FAM149A: variants seen among roughly 807,000 people sequenced by gnomAD.
FAM149A encodes family with sequence similarity 149 member A.
A neutral mutation model predicts 78.2 loss-of-function variants in FAM149A; 71 were observed. The observed-to-expected ratio is 0.91, with a 90% confidence interval of 0.75 to 1.11. FAM149A has a LOEUF of 1.11. FAM149A is among the 50% of genes least tolerant of loss of function. The pLI is 0.00. For missense variants in FAM149A, 1,036 were observed against 971.0 expected, an observed-to-expected ratio of 1.07 and a Z score of -0.89; for synonymous variants, 446 against 410.5, an observed-to-expected ratio of 1.09 and a Z score of -1.04.
rs148603314 is a variant in FAM149A at position 186,135,701 on chromosome 4, C to A, written c.567-13472C>A. 2.1e-4 allele frequency among the ~76,000 whole-genome samples: 32 copies of A among 152,284 alleles called. No homozygotes were observed. In the South Asian group the frequency reaches 6.0e-3, roughly 29 times the overall value. ...CTCAAGGCACACCACAGCCTTCTGGCGCTTAGGAACACTCGGCAGCTTTAG... is the reference window on the plus strand; with the variant it reads ...CTCAAGGCACACCACAGCCTTCTGGAGCTTAGGAACACTCGGCAGCTTTAG... On this transcript the variant is annotated intron_variant, in intron 1 of 13. Transcript: ENST00000389354.
At chr4:186,165,485 T>C in intron 11 of FAM149A, 21 bp downstream of exon 11, 1 of 1,613,554 alleles carries the variant, frequency 6.2e-7, no homozygotes. Flanking sequence ...TTTCATTCTA[T>C]TTCAGTGGAC....
Position 186,169,571 on chromosome 4 carries a change from C to T in FAM149A, c.2218+2309C>T, listed in dbSNP as rs116231054. On this transcript the variant is annotated intron_variant, in intron 13 of 13. Coordinates refer to ENST00000389354, the MANE Select transcript of FAM149A (RefSeq NM_001367768.3). ...CCACCACGCTGCTCACACAGGGAGT[C>T]GCCTCTCTGGCCACCAGCTCAGGCA... 1.2e-3 allele frequency: 1,171 copies of T among 985,392 alleles called. 11 individuals are homozygous for T. In the African/African-American group the frequency reaches 0.019, roughly 16 times the overall value. 61.0% of individuals were successfully genotyped at this position (985,392 alleles called of 1,614,324 possible). A position where few individuals can be genotyped will look rare whatever the true frequency, so the allele number is the denominator to read the frequency against.
intron 1 of FAM149A, among the ~76,000 whole-genome samples, chr4:186,138,249 G>A (rs1405896320): frequency 6.6e-6 from 1 of 151,846 alleles, no homozygotes; most frequent in African/African-American, 2.4e-5. Flanking sequence ...GAGTGAGTGT[G>A]TGTGTGTGTG....
chr4:186,109,387 G>T, intron 1 of FAM149A: 3 of 755,346 alleles, frequency 4.0e-6, no homozygotes, highest in Non-Finnish European at 4.8e-6. Flanking sequence ...TGCTTGAAGG[G>T]CCTGTCAGCA....
chr4:186,148,558 C>T (rs867401401), intron 1 of FAM149A, among the ~76,000 whole-genome samples: 2 of 152,152 alleles, frequency 1.3e-5, no homozygotes, highest in Admixed American at 6.5e-5. Flanking sequence ...AACTGTGCTA[C>T]ACCAGTTAGG....
chr4:186,140,283 A>C (rs2099325248), intron 1 of FAM149A, among the ~76,000 whole-genome samples: 1 of 152,108 alleles, frequency 6.6e-6, no homozygotes, highest in Non-Finnish European at 1.5e-5. Flanking sequence ...GTGATCACAT[A>C]ATCACATATA....
intron 1 of FAM149A, among the ~76,000 whole-genome samples, chr4:186,128,821 ATGTC>A (rs1312621677): frequency 6.6e-6 from 1 of 151,682 alleles, no homozygotes; most frequent in Admixed American, 6.6e-5. Flanking sequence ...GGATGGATGG[ATGTC>A]TGTGTGTATG....
chr4:186,132,013 T>A, intron 1 of FAM149A: 1 of 985,482 alleles, frequency 1.0e-6, no homozygotes, highest in Non-Finnish European at 1.2e-6. Context: ...TGTTCTAGCT[T>A]TCTTATTATC....
chr4:186,153,304 G>GCACAAAGAAGCC, intron 4 of FAM149A: 1 of 928,504 alleles, frequency 1.1e-6, no homozygotes, highest in Non-Finnish European at 1.3e-6. Context: ...TGTATGGAGG[G>GCACAAAGAAGCC]CTTCTTTGTG....
chr4:186,118,180 A>T (rs1190304662), intron 1 of FAM149A: 1 of 985,442 alleles, frequency 1.0e-6, no homozygotes, highest in East Asian at 1.1e-4. Context: ...CACAAACTAT[A>T]CAACAGATGA....
Position 186,104,773 on chromosome 4 carries a change from G to GGGGC in FAM149A, c.-297_-294dup, listed in dbSNP as rs1554066112. On this transcript the variant is annotated 5_prime_UTR_variant, in exon 1 of 14. Transcript: ENST00000389354. ...GGCGGGCGGCGGGCGGCGGGCGTCTGGGGCGGGCGGCGGCCGCGCTTCCCG... is the reference window on the plus strand; with the variant it reads ...GGCGGGCGGCGGGCGGCGGGCGTCTGGGGCGGGCGGGCGGCGGCCGCGCTTCCCG... Among the ~76,000 whole-genome samples, 838 of 149,668 alleles carry GGGGC rather than the reference G, an allele frequency of 5.6e-3. 12 individuals are homozygous for GGGGC. The highest frequency in any genetic ancestry group is 0.019 in the African/African-American group (775 of 40,232).
intron 1 of FAM149A, among the ~76,000 whole-genome samples, chr4:186,129,720 A>C (rs1467714236): frequency 6.6e-6 from 1 of 152,230 alleles, no homozygotes; most frequent in Non-Finnish European, 1.5e-5. Context: ...AAGCAAATAC[A>C]ATCCTCTTTG....
chr4:186,136,963 T>TG (rs1561396315), intron 1 of FAM149A, among the ~76,000 whole-genome samples: 1 of 103,368 alleles, frequency 9.7e-6, no homozygotes, highest in Middle Eastern at 5.1e-3. Context: ...TCTCTCTCTC[T>TG]TTCTCTCTCT....
intron 13 of FAM149A, among the ~76,000 whole-genome samples, chr4:186,167,845 C>T (rs949544398): frequency 1.3e-5 from 2 of 152,118 alleles, no homozygotes; most frequent in Non-Finnish European, 2.9e-5. Flanking sequence ...TTTCCACCCT[C>T]GCTCTGCCAC....
At position 186,134,019 on chromosome 4, in the gene FAM149A, A is replaced by AT. The variant is rs2099321828; in HGVS notation, c.567-15150dup. ...AGTGGGATTGCTGGATCCTATGGTAATTTTGTGTTTCACTTTTGAGGAATC... is the reference window on the plus strand; with the variant it reads ...AGTGGGATTGCTGGATCCTATGGTAATTTTTGTGTTTCACTTTTGAGGAATC... On this transcript the variant is annotated intron_variant, in intron 1 of 13. Transcript: ENST00000389354. Among the ~76,000 whole-genome samples, 5 of 152,292 alleles carry AT rather than the reference A, an allele frequency of 3.3e-5. No homozygotes were observed. In the South Asian group the frequency reaches 6.2e-4, roughly 19 times the overall value.
At chr4:186,168,437 C>T (rs1735238733) in intron 13 of FAM149A, among the ~76,000 whole-genome samples, 2 of 152,194 alleles carry the variant, frequency 1.3e-5, no homozygotes, top group Admixed American at 1.3e-4. Context: ...CTCACCGCAA[C>T]CTCCACCTCC....
At position 186,152,172 on chromosome 4, in the gene FAM149A, A is replaced by G. The variant is rs1579886615; in HGVS notation, c.932+127A>G. On this transcript the variant is annotated intron_variant, in intron 4 of 13. Transcript: ENST00000389354. ...CAGTCAGAATATGGATGCAGAGCGC[A>G]GTCCTTCACTGAGAGATCACTTTCC... 11 of 817,574 alleles carry G rather than the reference A, an allele frequency of 1.3e-5. No homozygotes were observed. In the East Asian group the frequency reaches 2.9e-4, roughly 22 times the overall value. 50.6% of individuals were successfully genotyped at this position (817,574 alleles called of 1,614,324 possible).
intron 1 of FAM149A, among the ~76,000 whole-genome samples, chr4:186,140,954 T>C (rs950059029): frequency 6.6e-6 from 1 of 152,222 alleles, no homozygotes; most frequent in South Asian, 2.1e-4. Context: ...TCAAGGTGAA[T>C]GGCCAAGTTG....
At position 186,167,090 on chromosome 4, in the gene FAM149A, G is replaced by T. The variant is rs145714089; in HGVS notation, c.2133G>T (p.Thr711=). The change falls in exon 12 of 14, where the codon ACG becomes ACT. Residue 711 remains threonine (T), a synonymous_variant. Coordinates refer to ENST00000389354, the MANE Select transcript of FAM149A (RefSeq NM_001367768.3). Reference sequence around the variant, plus strand: ...TGTCAAGGCCCAGCACAACCCACACGTTCCGGGTGGGTTCTCTGTTTCCTG... The same window carrying T: ...TGTCAAGGCCCAGCACAACCCACACTTTCCGGGTGGGTTCTCTGTTTCCTG... 6.2e-7 allele frequency: 1 copy of T among 1,612,542 alleles called. No homozygotes were observed. The highest frequency in any genetic ancestry group is 2.2e-5 in the East Asian group (1 of 44,822).
Sources: allele counts gnomAD v4.1 joint callset (sites outside exome capture counted in the v4.1 genomes callset), GRCh38; gene constraint gnomAD v4.1.1; transcripts MANE v1.5; gene names NCBI Gene and HGNC (gene_info 2026-07-23, HGNC 2026-07-21).